Variants in WBP1L observed in about 807,000 individuals in gnomAD.
The protein encoded by WBP1L is WW domain binding protein 1-like.
WBP1L carries 17 observed loss-of-function variants against 33.7 expected under a neutral mutation model. The observed-to-expected ratio is 0.50, with a 90% CI of 0.34 to 0.76. The LOEUF is 0.76. Ranked by LOEUF, WBP1L falls within the 30% of genes least tolerant of loss-of-function variation. WBP1L has a pLI of 0.01. For synonymous variants in WBP1L, 173 were observed against 190.8 expected (o/e 0.91, Z 0.77); for missense variants, 389 against 469.4 (o/e 0.83, Z 1.58).
intron 1 of WBP1L, among the ~76,000 whole-genome samples, chr10:102,794,200 A>G (rs567067620): frequency 6.6e-6 from 1 of 152,276 alleles, no homozygotes; most frequent in Admixed American, 6.5e-5. Flanking sequence ...GCATTTCCAC[A>G]CCACTGTTCT....
chr10:102,771,388 A>G (rs1311839016), intron 1 of WBP1L, among the ~76,000 whole-genome samples: 1 of 152,062 alleles, frequency 6.6e-6, no homozygotes, highest in Non-Finnish European at 1.5e-5. Context: ...AAGACTCCCT[A>G]TTTAAAATAA....
At chr10:102,786,061 A>G (rs1342864416) in intron 1 of WBP1L, among the ~76,000 whole-genome samples, 1 of 152,208 alleles carries the variant, frequency 6.6e-6, no homozygotes. Context: ...CAGGTTCCTA[A>G]TAGCAACACA....
chr10:102,795,390 T>C (rs1219381551), intron 1 of WBP1L, among the ~76,000 whole-genome samples: 1 of 152,230 alleles, frequency 6.6e-6, no homozygotes, highest in Admixed American at 6.5e-5. Flanking sequence ...AAAAACTGTT[T>C]GAGGAACACT....
rs191508237 is a variant in WBP1L at position 102,807,364 on chromosome 10, C to T, written c.194-2529C>T. Among the ~76,000 whole-genome samples the T allele has an allele frequency of 4.3e-3, 650 of 152,166 alleles. 3 individuals carry two copies. Among genetic ancestry groups the T allele is most frequent in the African/African-American group, 0.015 (615 of 41,522 alleles). On this transcript the variant is annotated intron_variant, in intron 2 of 3. Transcript: ENST00000448841. Reference sequence around the variant, plus strand: ...TGGTTAGAGCTTCCTGACCATACCCCTCCTTTTTCTGTCCATATATACTTT... The same window carrying T: ...TGGTTAGAGCTTCCTGACCATACCCTTCCTTTTTCTGTCCATATATACTTT...
At chr10:102,772,025 A>G (rs929547918) in intron 1 of WBP1L, among the ~76,000 whole-genome samples, 10 of 150,258 alleles carry the variant, frequency 6.7e-5, no homozygotes, top group Non-Finnish European at 1.2e-4. Context: ...CAGTGGCACA[A>G]TCTCAGCTCA....
chr10:102,791,364 G>A (rs958246665), intron 1 of WBP1L, among the ~76,000 whole-genome samples: 4 of 152,134 alleles, frequency 2.6e-5, no homozygotes, highest in African/African-American at 4.8e-5. Context: ...TGCCAGAAGC[G>A]GAAACTCTCC....
intron 1 of WBP1L, among the ~76,000 whole-genome samples, chr10:102,796,487 C>A (rs1232419585): frequency 2.6e-5 from 4 of 152,156 alleles, no homozygotes; most frequent in Non-Finnish European, 5.9e-5. Flanking sequence ...CTGGTGTATA[C>A]CCTTGGCCAA....
intron 2 of WBP1L, among the ~76,000 whole-genome samples, chr10:102,799,671 GC>G (rs1410156158): frequency 6.6e-6 from 1 of 152,112 alleles, no homozygotes; most frequent in Non-Finnish European, 1.5e-5. Context: ...CCTCATCACT[GC>G]CTCCATTTGG....
intron 2 of WBP1L, among the ~76,000 whole-genome samples, chr10:102,799,277 G>A (rs965459307): frequency 6.6e-6 from 1 of 152,040 alleles, no homozygotes; most frequent in African/African-American, 2.4e-5. Context: ...AGTGAGCCGA[G>A]GTTGCGCCAC....
chr10:102,769,239 C>A (rs946585389), intron 1 of WBP1L, among the ~76,000 whole-genome samples: 2 of 152,214 alleles, frequency 1.3e-5, no homozygotes. Context: ...CCCACATCAG[C>A]CTCCTGAAGT....
intron 1 of WBP1L, among the ~76,000 whole-genome samples, chr10:102,791,136 G>A (rs1335815451): frequency 3.3e-5 from 5 of 152,076 alleles, no homozygotes; most frequent in Non-Finnish European, 7.4e-5. Flanking sequence ...CCAATTCCCT[G>A]TTTCAGGTGG....
chr10:102,805,728 TCAA>T (rs1158040856), intron 2 of WBP1L, among the ~76,000 whole-genome samples: 14 of 149,106 alleles, frequency 9.4e-5, no homozygotes, highest in African/African-American at 1.7e-4. Context: ...AGACCTCATC[TCAA>T]CAACAACAAC....
chr10:102,776,191 G>C, intron 1 of WBP1L: 1 of 1,461,862 alleles, frequency 6.8e-7, no homozygotes, highest in Non-Finnish European at 9.1e-7. Flanking sequence ...CCAGAGCCAG[G>C]CAGGGGGAGT....
chr10:102,756,149 A>T (rs188409974), intron 1 of WBP1L, among the ~76,000 whole-genome samples: 70 of 152,018 alleles, frequency 4.6e-4, no homozygotes, highest in Admixed American at 2.7e-3. Context: ...GTGGTGGCTC[A>T]TGCCTGTAAT....
chr10:102,813,224 C>T lies in WBP1L; in HGVS notation c.985C>T (p.Arg329Ter), dbSNP rs866862288. The change falls in exon 4 of 4, where the codon CGA becomes TGA. Residue 329 changes from arginine to a stop codon, truncating the protein, a stop_gained. Transcript: ENST00000448841. LOFTEE classifies it high-confidence loss of function. ...GLCQSSEEQA[R>*]EPGHPHLPRP... The stretch of plus-strand genomic sequence containing the variant: ...CTGTCAGTCCTCTGAGGAGCAGGCT[C>T]GAGAGCCTGGGCACCCGCACCTGCC... 2.3e-5 allele frequency: 37 copies of T among 1,612,646 alleles called. No individual in the cohort carries two copies. The Admixed American group carries it at 4.0e-4, about 17-fold the overall frequency.
In WBP1L at chr10:102,775,925, AC is replaced by A. The variant is rs573718413; in HGVS notation, c.91-22062del. On this transcript the variant is annotated intron_variant, in intron 1 of 3. Coordinates refer to ENST00000448841, the MANE Select transcript of WBP1L (RefSeq NM_001083913.2). ...TCAGCTTTAGAGACTTGATTTATGT[AC>A]CCCCCAGCCTGCTTAGAGCCAAGGG... 8.7e-4 allele frequency among the ~76,000 whole-genome samples: 132 copies of A among 151,456 alleles called. 2 individuals are homozygous for A. The highest frequency in any genetic ancestry group is 8.3e-3 in the Admixed American group (127 of 15,210).
At chr10:102,807,604 TGTC>T (rs1296590927) in intron 2 of WBP1L, among the ~76,000 whole-genome samples, 3 of 152,080 alleles carry the variant, frequency 2.0e-5, no homozygotes, top group Non-Finnish European at 4.4e-5. Flanking sequence ...GATCTCTTGA[TGTC>T]GTGATCCGCC....
At chr10:102,793,889 C>T (rs138652021) in intron 1 of WBP1L, among the ~76,000 whole-genome samples, 1,683 of 152,194 alleles carry the variant, frequency 0.011, 25 homozygotes, top group African/African-American at 0.038. Flanking sequence ...CCACCTCAGC[C>T]TCCCAAGTAG....
chr10:102,792,592 C>CTTTTTTTTTTTTTTTTTT (rs11368357), intron 1 of WBP1L, among the ~76,000 whole-genome samples: 1 of 103,584 alleles, frequency 9.7e-6, no homozygotes, highest in Non-Finnish European at 2.0e-5. Context: ...TTTTTCTTTT[C>CTTTTTTTTTTTTTTTTTT]TTTTTTTTTT....
Sources: allele counts gnomAD v4.1 joint callset (sites outside exome capture counted in the v4.1 genomes callset), GRCh38; gene constraint gnomAD v4.1.1; transcripts MANE v1.5; gene names NCBI Gene and HGNC (gene_info 2026-07-23, HGNC 2026-07-21).